The following KCNQ2 variants were observed in gnomAD, a reference collection of about 807,000 sequenced individuals.
KCNQ2 encodes the protein potassium voltage-gated channel subfamily Q member 2.
In KCNQ2, 14 loss-of-function variants were observed where a neutral mutation model predicts 84.8. The observed-to-expected ratio is 0.17, with a 90% CI of 0.11 to 0.26. The LOEUF (loss-of-function observed/expected upper bound fraction) is 0.26. Among genes scored for constraint, KCNQ2 ranks in the 10% least tolerant of loss-of-function variants. KCNQ2 has a pLI of 1.00. For synonymous variants in KCNQ2, 599 were observed against 554.1 expected (o/e 1.08, Z -1.14); for missense variants, 788 against 1,254.0 (o/e 0.63, Z 5.61).
At chr20:63,421,513 A>G (rs1410431576) in intron 11 of KCNQ2, among the ~76,000 whole-genome samples, 1 of 152,152 alleles carries the variant, frequency 6.6e-6, no homozygotes, top group Non-Finnish European at 1.5e-5. Flanking sequence ...CTGCCCCATC[A>G]GCCACAGGGA....
chr20:63,442,691 A>C (rs2081210684), intron 4 of KCNQ2, among the ~76,000 whole-genome samples, 160 bp from the exon 5 acceptor site: 1 of 105,622 alleles, frequency 9.5e-6, no homozygotes, highest in African/African-American at 3.7e-5. Flanking sequence ...CACCATCACC[A>C]TCACCACCAT....
chr20:63,418,395 G>A (rs533787991), intron 12 of KCNQ2, among the ~76,000 whole-genome samples: 11 of 152,224 alleles, frequency 7.2e-5, no homozygotes, highest in Admixed American at 2.0e-4. Flanking sequence ...TGCGGTGCCC[G>A]CAGGAAACAG....
intron 5 of KCNQ2, among the ~76,000 whole-genome samples, chr20:63,442,109 C>T (rs948296770): frequency 6.6e-6 from 1 of 152,282 alleles, no homozygotes; most frequent in African/African-American, 2.4e-5. Flanking sequence ...GGACACGGAG[C>T]AGGTGGAGGG....
chr20:63,413,494 G>A lies in KCNQ2; in HGVS notation c.1719C>T (p.Ala573=), dbSNP rs61737409. The A allele has an allele frequency of 4.2e-3, 6,714 of 1,613,456 alleles. 39 individuals carry two copies. The highest frequency in any genetic ancestry group is 0.034 in the East Asian group (1,519 of 44,880). ...DVMDVIEQYS[A]GHLDMLSRIK... ...TTCGGGACAGCATGTCCAGGTGGCC[G>A]GCTGAGTACTGCTCGATGACGTCCA... Residue 573 remains alanine (A), a synonymous_variant, in exon 15 of 17, where the codon GCC becomes GCT. Coordinates refer to ENST00000359125, the MANE Select transcript of KCNQ2 (RefSeq NM_172107.4).
chr20:63,472,523 G>T lies in KCNQ2; in HGVS notation c.-60C>A, dbSNP rs2082243599. 7 of 1,326,968 alleles carry T rather than the reference G, an allele frequency of 5.3e-6. No individual in the cohort carries two copies. Among genetic ancestry groups the T allele is most frequent in the Non-Finnish European group, 6.7e-6 (7 of 1,040,836 alleles). The allele number at this position is 1,326,968 out of a possible 1,614,324, so 82.2% of individuals were successfully genotyped here. A position where few individuals can be genotyped will look rare whatever the true frequency, so the allele number is the denominator to read the frequency against. ...GGCTCAGCGGGGGCGGAGCGCGGGG[G>T]GCGGCGCGGGCCCCAGCCCAGGCCC... On this transcript the variant is annotated 5_prime_UTR_variant, in exon 1 of 17. Transcript: ENST00000359125.
intron 10 of KCNQ2, 52 bp from the exon 11 acceptor site, chr20:63,424,258 G>C (rs1348976536): frequency 6.5e-7 from 1 of 1,548,848 alleles, no homozygotes; most frequent in Non-Finnish European, 8.7e-7. Flanking sequence ...GCACCCATGA[G>C]GGTCCCCCAA....
intron 12 of KCNQ2, 104 bp from the exon 13 acceptor site, chr20:63,415,230 G>T: frequency 9.4e-7 from 1 of 1,063,050 alleles, no homozygotes; most frequent in Non-Finnish European, 1.4e-6. Flanking sequence ...CCCATGCGCC[G>T]GAGGGAGACA....
chr20:63,462,128 C>T (rs2081971142), intron 1 of KCNQ2, among the ~76,000 whole-genome samples: 1 of 130,626 alleles, frequency 7.7e-6, no homozygotes, highest in Non-Finnish European at 1.6e-5. Flanking sequence ...AGGGAAGAGG[C>T]TGCACCTACC....
rs546082433 is a variant in KCNQ2 at position 63,400,319 on chromosome 20, A to C, written c.*6325T>G. ...CTTCCACGGCCATCGCGGCCGCAGGACCCCACACCCGAAGTCCCCCGCAAA... is the reference window on the plus strand; with the variant it reads ...CTTCCACGGCCATCGCGGCCGCAGGCCCCCACACCCGAAGTCCCCCGCAAA... On this transcript the variant is annotated 3_prime_UTR_variant, in exon 17 of 17. Coordinates refer to ENST00000359125, the MANE Select transcript of KCNQ2 (RefSeq NM_172107.4). The surrounding 1 kb of genome is among the most constrained non-coding windows in gnomAD (Gnocchi z 8.7). 1.4e-5 allele frequency: 4 copies of C among 293,824 alleles called. No individual in the cohort carries two copies. The highest frequency in any genetic ancestry group is 2.2e-5 in the African/African-American group (1 of 46,106). The allele number at this position is 293,824 out of a possible 1,614,324, so 18.2% of individuals were successfully genotyped here. A position where few individuals can be genotyped will look rare whatever the true frequency, so the allele number is the denominator to read the frequency against.
intron 10 of KCNQ2, among the ~76,000 whole-genome samples, chr20:63,424,771 G>A (rs772760569): frequency 3.3e-5 from 5 of 152,214 alleles, no homozygotes; most frequent in East Asian, 3.9e-4. Context: ...TGGGCCTTCC[G>A]GCGTCTCATC....
At chr20:63,442,830 TCAC>T (rs747940691) in intron 4 of KCNQ2, among the ~76,000 whole-genome samples, 8 of 20,484 alleles carry the variant, frequency 3.9e-4, no homozygotes, top group African/African-American at 1.1e-3. Flanking sequence ...ACCATCACCA[TCAC>T]CACCACCACC....
intron 7 of KCNQ2, among the ~76,000 whole-genome samples, chr20:63,437,818 C>CT (rs1165171560): frequency 1.5e-4 from 22 of 151,654 alleles, no homozygotes; most frequent in Middle Eastern, 3.4e-3. Flanking sequence ...CATATTTTCT[C>CT]TTTTTTTTTG....
In KCNQ2 at chr20:63,407,262, C is replaced by T. The variant is rs760711257; in HGVS notation, c.2001G>A (p.Ala667=). Reference sequence around the variant, plus strand: ...TGTCTTCCGGGCTGTGGTACGGCGGCGCCGGCTCCGGCTCTTTGGCCCCAA... The same window carrying T: ...TGTCTTCCGGGCTGTGGTACGGCGGTGCCGGCTCCGGCTCTTTGGCCCCAA... ...AYFGAKEPEP[A]PPYHSPEDSR... Residue 667 remains alanine (A), a synonymous_variant, in exon 17 of 17, where the codon GCG becomes GCA. Transcript: ENST00000359125. This position sits in a 1 kb window ranked among gnomAD's most constrained non-coding sequence, Gnocchi z 7.2. 9.9e-5 allele frequency: 158 copies of T among 1,597,458 alleles called. No individual in the cohort carries two copies. Among genetic ancestry groups the T allele is most frequent in the Non-Finnish European group, 1.2e-4 (136 of 1,177,688 alleles).
rs1322160813 is a variant in KCNQ2, at chr20:63,400,669, G to A, written c.*5975C>T. 3 of 398,592 alleles carry A rather than the reference G, an allele frequency of 7.5e-6. No individual in the cohort carries two copies. Among genetic ancestry groups the A allele is most frequent in the Non-Finnish European group, 1.3e-5 (3 of 226,092 alleles). The allele number at this position is 398,592 out of a possible 1,614,324, so 24.7% of individuals were successfully genotyped here. On this transcript the variant is annotated 3_prime_UTR_variant, in exon 17 of 17. Transcript: ENST00000359125. This position sits in a 1 kb window ranked among gnomAD's most constrained non-coding sequence, Gnocchi z 8.7. ...ATGGGGAAGCTGCAGCCACCGTCAC[G>A]GCCAGAGGATGGCAGACTGCAATGG...
At chr20:63,462,146 A>G (rs566977088) in intron 1 of KCNQ2, among the ~76,000 whole-genome samples, 125 of 125,252 alleles carry the variant, frequency 1.0e-3, no homozygotes, top group African/African-American at 3.7e-3. Flanking sequence ...ACCCCGGGGC[A>G]GCAGGGAGGA....
intron 5 of KCNQ2, among the ~76,000 whole-genome samples, chr20:63,440,108 G>A (rs1357261138): frequency 6.6e-6 from 1 of 152,230 alleles, no homozygotes; most frequent in Non-Finnish European, 1.5e-5. Context: ...GGCTCGCTGA[G>A]CCTGAGCTGA....
rs2079844503 is a variant in KCNQ2 at position 63,403,205 on chromosome 20, C to G, written c.*3439G>C. ...CCCTGATTGGGCTCTGCCTGGCGCT[C>G]TGCCACTGCGGACCAGGAGCCCGGA... On this transcript the variant is annotated 3_prime_UTR_variant, in exon 17 of 17. Coordinates refer to ENST00000359125, the MANE Select transcript of KCNQ2 (RefSeq NM_172107.4). 1 of 152,304 alleles carries G rather than the reference C, an allele frequency of 6.6e-6. No homozygotes were observed. Among genetic ancestry groups the G allele is most frequent in the Admixed American group, 6.5e-5 (1 of 15,294 alleles). The allele number at this position is 152,304 out of a possible 1,614,324, so 9.4% of individuals were successfully genotyped here. A position where few individuals can be genotyped will look rare whatever the true frequency, so the allele number is the denominator to read the frequency against.
At chr20:63,442,331 G>A in intron 5 of KCNQ2, 75 bp downstream of exon 5, 5 of 1,567,456 alleles carry the variant, frequency 3.2e-6, no homozygotes, top group Non-Finnish European at 4.3e-6. Context: ...GGCTCAGCCA[G>A]TGAGAGCCTG....
At chr20:63,469,682 C>T (rs2082162480) in intron 1 of KCNQ2, among the ~76,000 whole-genome samples, 1 of 152,258 alleles carries the variant, frequency 6.6e-6, no homozygotes, top group South Asian at 2.1e-4. Context: ...GGTGCGGCAG[C>T]ACAAGGAGCC....
Sources: allele counts gnomAD v4.1 joint callset (sites outside exome capture counted in the v4.1 genomes callset), GRCh38; gene constraint gnomAD v4.1.1; non-coding constraint Gnocchi (gnomAD v3.1); transcripts MANE v1.5; gene names NCBI Gene and HGNC (gene_info 2026-07-23, HGNC 2026-07-21).